The following SFMBT2 variants were observed in gnomAD, a reference collection of about 807,000 sequenced individuals.
The protein encoded by SFMBT2 is scm-like with four MBT domains protein 2.
A neutral mutation model predicts 110.1 loss-of-function variants in SFMBT2; 38 were observed. The observed-to-expected ratio is 0.35, with a 90% confidence interval of 0.27 to 0.45. SFMBT2 has a LOEUF of 0.45. Ranked by LOEUF, SFMBT2 falls within the 20% of genes least tolerant of loss-of-function variation. The pLI is 1.00. For synonymous variants in SFMBT2, 425 were observed against 425.4 expected (o/e 1.00, Z 0.01); for missense variants, 1,011 against 1,094.9 (o/e 0.92, Z 1.08).
chr10:7,173,891 C>G (rs78031397), intron 17 of SFMBT2, among the ~76,000 whole-genome samples: 114 of 152,294 alleles, frequency 7.5e-4, no homozygotes, highest in African/African-American at 2.7e-3. Flanking sequence ...AGTACTGAGT[C>G]GTGGGCTTTG....
chr10:7,216,309 A>G (rs1446363252), intron 11 of SFMBT2, among the ~76,000 whole-genome samples: 1 of 152,172 alleles, frequency 6.6e-6, no homozygotes, highest in Admixed American at 6.5e-5. Flanking sequence ...GGTGGGAGAT[A>G]ACTGAATCAT....
At chr10:7,186,423 T>TACACACACAC (rs766631230) in intron 16 of SFMBT2, among the ~76,000 whole-genome samples, 8 of 108,124 alleles carry the variant, frequency 7.4e-5, no homozygotes, top group Admixed American at 5.9e-4. Flanking sequence ...ACATACTATA[T>TACACACACAC]ATACACACAC....
intron 4 of SFMBT2, among the ~76,000 whole-genome samples, chr10:7,312,303 G>T (rs955445128): frequency 6.6e-6 from 1 of 152,084 alleles, no homozygotes; most frequent in East Asian, 1.9e-4. Context: ...CAGGGCTCTA[G>T]AGGTCCGAGG....
At chr10:7,191,185 G>A (rs1275473922) in intron 15 of SFMBT2, among the ~76,000 whole-genome samples, 1 of 152,134 alleles carries the variant, frequency 6.6e-6, no homozygotes, top group African/African-American at 2.4e-5. Context: ...TCATTTCTCA[G>A]CTCTTTTACA....
chr10:7,270,725 AAT>A (rs1841552804), intron 7 of SFMBT2, among the ~76,000 whole-genome samples: 1 of 152,172 alleles, frequency 6.6e-6, no homozygotes, highest in Non-Finnish European at 1.5e-5. Flanking sequence ...CTACCAAAAT[AAT>A]AGTCTGAATT....
chr10:7,329,145 T>A (rs1843486853), intron 4 of SFMBT2, among the ~76,000 whole-genome samples: 1 of 152,210 alleles, frequency 6.6e-6, no homozygotes, highest in East Asian at 1.9e-4. Context: ...CAAATAACAG[T>A]ACAATCTCAG....
chr10:7,316,227 T>G (rs1435747527), intron 4 of SFMBT2, among the ~76,000 whole-genome samples: 1 of 152,204 alleles, frequency 6.6e-6, no homozygotes, highest in Non-Finnish European at 1.5e-5. Flanking sequence ...ACAGCTGGGC[T>G]AGGGCAGTTA....
intron 2 of SFMBT2, among the ~76,000 whole-genome samples, chr10:7,373,839 G>A (rs1358847701): frequency 1.3e-5 from 2 of 152,220 alleles, no homozygotes; most frequent in Non-Finnish European, 2.9e-5. Flanking sequence ...GAGCACCTGG[G>A]AAGAAGACAT....
At chr10:7,359,081 G>T (rs1195064137) in intron 4 of SFMBT2, among the ~76,000 whole-genome samples, 1 of 152,246 alleles carries the variant, frequency 6.6e-6, no homozygotes, top group Non-Finnish European at 1.5e-5. Context: ...TGGAGGTGGA[G>T]GGGGAATAAA....
At chr10:7,368,281 C>T (rs761362756) in intron 3 of SFMBT2, 32 of 957,752 alleles carry the variant, frequency 3.3e-5, no homozygotes, top group Non-Finnish European at 4.0e-5. Context: ...ACACGGTTTT[C>T]AAGGACTCAC....
intron 4 of SFMBT2, among the ~76,000 whole-genome samples, chr10:7,342,619 G>A (rs180728460): frequency 1.4e-4 from 21 of 151,816 alleles, no homozygotes; most frequent in African/African-American, 3.6e-4. Context: ...CCATGGTCTC[G>A]ATCTCCTGAC....
Position 7,159,889 on chromosome 10 carries a change from G to A in SFMBT2, c.*3881C>T, listed in dbSNP as rs1837506446. The A allele has an allele frequency of 6.6e-6, 1 of 152,136 alleles. No individual in the cohort carries two copies. The highest frequency in any genetic ancestry group is 2.4e-5 in the African/African-American group (1 of 41,422). The allele number at this position is 152,136 out of a possible 1,614,324, so 9.4% of individuals were successfully genotyped here. ...AGGGGTGTTTGGCATAAGACAGAAG[G>A]CAAATCTCAGAACTTGCCAAATACA... On this transcript the variant is annotated 3_prime_UTR_variant, in exon 21 of 21. Transcript: ENST00000397167.
chr10:7,396,702 G>A (rs1174165763), intron 1 of SFMBT2, among the ~76,000 whole-genome samples: 1 of 151,812 alleles, frequency 6.6e-6, no homozygotes, highest in East Asian at 1.9e-4. Flanking sequence ...ATACACCATG[G>A]AATCCTATGC....
At chr10:7,202,576 C>T (rs933756795) in intron 12 of SFMBT2, 54 bp from the exon 13 acceptor site, 8 of 1,613,442 alleles carry the variant, frequency 5.0e-6, no homozygotes, top group Non-Finnish European at 6.8e-6. Context: ...TGGGGCAAGT[C>T]CATTTTTAAA....
At chr10:7,307,807 G>T (rs1359595231) in intron 4 of SFMBT2, among the ~76,000 whole-genome samples, 1 of 152,106 alleles carries the variant, frequency 6.6e-6, no homozygotes, top group East Asian at 1.9e-4. Flanking sequence ...AAGCATAAAA[G>T]ATCAATAAAA....
intron 7 of SFMBT2, among the ~76,000 whole-genome samples, chr10:7,249,837 C>A (rs367903679): frequency 6.6e-6 from 1 of 152,216 alleles, no homozygotes; most frequent in African/African-American, 2.4e-5. Flanking sequence ...TGGACCCTTT[C>A]ATTTTTCATG....
intron 16 of SFMBT2, among the ~76,000 whole-genome samples, chr10:7,184,160 A>G (rs117371824): frequency 0.017 from 2,583 of 152,272 alleles, 32 homozygotes; most frequent in Non-Finnish European, 0.03. Flanking sequence ...ATAAAATGCC[A>G]AAAAAATCAT....
intron 4 of SFMBT2, among the ~76,000 whole-genome samples, chr10:7,343,653 T>C (rs1187594293): frequency 6.6e-6 from 1 of 152,242 alleles, no homozygotes; most frequent in African/African-American, 2.4e-5. Context: ...ATATTGAGCA[T>C]TTTTCCATAT....
intron 7 of SFMBT2, among the ~76,000 whole-genome samples, chr10:7,259,629 C>T (rs2767696): frequency 0.9 from 137,067 of 152,272 alleles, 61,758 homozygotes; most frequent in Admixed American, 0.93. Context: ...TTGAGGACCA[C>T]TGATTCAGAT....
Sources: gnomAD v4.1 joint callset for allele counts (sites outside exome capture counted in the v4.1 genomes callset) on GRCh38, gnomAD v4.1.1 for gene constraint, MANE v1.5 for transcripts, NCBI Gene and HGNC (gene_info 2026-07-23, HGNC 2026-07-21) for gene names.